Variants in AGR3 observed in about 807,000 individuals in gnomAD.
AGR3 encodes anterior gradient protein 3.
A neutral mutation model predicts 24.5 loss-of-function variants in AGR3; 37 were observed. The observed-to-expected ratio is 1.51, with a 90% confidence interval of 1.16 to 1.99. AGR3 has a LOEUF of 1.99. Among genes scored for constraint, AGR3 ranks in the 30% most tolerant of loss-of-function variants. The pLI is 0.00. For missense variants in AGR3, 228 were observed against 191.1 expected (o/e 1.19, Z -1.14); for synonymous variants, 75 against 61.6 (o/e 1.22, Z -1.02).
At chr7:16,880,136 C>G (rs565020322) in intron 1 of AGR3, among the ~76,000 whole-genome samples, 16 of 137,030 alleles carry the variant, frequency 1.2e-4, no homozygotes, top group African/African-American at 4.4e-4. Context: ...TCCTCTTTCT[C>G]TCTCTCTTTC....
At chr7:16,865,176 A>G in intron 3 of AGR3, 1 of 744,658 alleles carries the variant, frequency 1.3e-6, no homozygotes, top group Non-Finnish European at 2.4e-6. Flanking sequence ...ACTTTCAAAA[A>G]CCCTATCAGT....
chr7:16,860,081 C>T (rs2115401780), intron 7 of AGR3, among the ~76,000 whole-genome samples: 1 of 138,624 alleles, frequency 7.2e-6, no homozygotes, highest in East Asian at 2.1e-4. Context: ...CATACCAAGA[C>T]CCTGTCTCTA....
At chr7:16,855,486 G>A (rs1781544191), downstream of AGR3, among the ~76,000 whole-genome samples, 1 of 152,086 alleles carries the variant, frequency 6.6e-6, no homozygotes, top group Admixed American at 6.5e-5. Flanking sequence ...AGTGTTTAAT[G>A]GCCTCCTATT....
intron 3 of AGR3, among the ~76,000 whole-genome samples, chr7:16,866,975 G>A (rs1488521616): frequency 6.6e-6 from 1 of 151,852 alleles, no homozygotes; most frequent in Non-Finnish European, 1.5e-5. Flanking sequence ...TTCTTTGTTT[G>A]GCTATGCTCA....
At position 16,862,632 on chromosome 7, in the gene AGR3, C is replaced by T; in HGVS notation, c.204G>A (p.Leu68=). The T allele has an allele frequency of 1.3e-6, 2 of 1,540,716 alleles. No homozygotes were observed. Among genetic ancestry groups the T allele is most frequent in the Non-Finnish European group, 1.7e-6 (2 of 1,150,892 alleles). Residue 68 remains leucine (L), a synonymous_variant, in exon 4 of 8, where the codon CTG becomes CTA. Transcript: ENST00000310398. ...TACCTTGAGAGTATTGACAATCCTC[C>T]AGGTGATGAATAACCATTAATGGCT... is the stretch of plus-strand genomic sequence containing the variant. ...SKKPLMVIHH[L]EDCQYSQALK...
In AGR3 at chr7:16,862,659, C is replaced by A; in HGVS notation, c.177G>T (p.Lys59Asn). 2 of 1,546,566 alleles carry A rather than the reference C, an allele frequency of 1.3e-6. No individual in the cohort carries two copies. Among genetic ancestry groups the A allele is most frequent in the Non-Finnish European group, 8.7e-7 (1 of 1,153,706 alleles). The stretch of plus-strand genomic sequence containing the variant: ...GGTGATGAATAACCATTAATGGCTT[C>A]TTACTAAACAAAGAAAGTATGGAAT... Reference protein sequence around the residue: ...EEGLFYAQKSKKPLMVIHHLE... With the variant: ...EEGLFYAQKSNKPLMVIHHLE... The change falls in exon 4 of 8, where the codon AAG (lysine) becomes AAT (asparagine). Residue 59 changes from lysine (K) to asparagine (N), a missense_variant. By Grantham distance (94) the Lys-to-Asn change is moderately conservative (BLOSUM62 0). Transcript: ENST00000310398.
At chr7:16,873,073 A>G (rs1375220122) in intron 3 of AGR3, among the ~76,000 whole-genome samples, 1 of 152,164 alleles carries the variant, frequency 6.6e-6, no homozygotes, top group East Asian at 1.9e-4. Flanking sequence ...TATAACTACC[A>G]TATGATCCAG....
At position 16,878,515 on chromosome 7, in the gene AGR3, G is replaced by A. The variant is rs1291548167; in HGVS notation, c.104C>T (p.Ser35Leu). Reference sequence around the variant, plus strand: ...ATAAAATGAGATTACAGCACCTCTTGAGAGTGTCTGAGGAGGCCTCTTTTC... The same window carrying A: ...ATAAAATGAGATTACAGCACCTCTTAAGAGTGTCTGAGGAGGCCTCTTTTC... ...KKEKRPPQTLSRGWGDDITWV... is the reference protein window; with the variant it reads ...KKEKRPPQTLLRGWGDDITWV... Residue 35 changes from serine (S) to leucine (L), a missense_variant, in exon 2 of 8, where the codon TCA (serine) becomes TTA (leucine). By Grantham distance (145) the Ser-to-Leu change is moderately radical (BLOSUM62 -2). Transcript: ENST00000310398. 1.2e-6 allele frequency: 2 copies of A among 1,612,534 alleles called. No homozygotes were observed. The highest frequency in any genetic ancestry group is 1.7e-5 in the Admixed American group (1 of 60,024).
At chr7:16,878,721 G>A (rs1782044367) in intron 1 of AGR3, 76 bp from the exon 2 acceptor site, 3 of 1,114,108 alleles carry the variant, frequency 2.7e-6, no homozygotes, top group African/African-American at 3.1e-5. Context: ...GCTAAGAGTT[G>A]GACCAATACT....
At chr7:16,864,646 AAAG>A (rs371521780) in intron 3 of AGR3, 31 of 1,579,898 alleles carry the variant, frequency 2.0e-5, no homozygotes, top group African/African-American at 1.2e-4. Flanking sequence ...TTGGAGGCAT[AAAG>A]CTGGTAGGCA....
At chr7:16,864,701 C>T in intron 3 of AGR3, 3 of 1,563,568 alleles carry the variant, frequency 1.9e-6, no homozygotes, top group Non-Finnish European at 2.6e-6. Flanking sequence ...CAATTTTCCC[C>T]ATACTTTTTA....
In AGR3 at chr7:16,864,432, C is replaced by T; in HGVS notation, c.174-1770G>A. 3.9e-6 allele frequency: 5 copies of T among 1,293,028 alleles called. No individual in the cohort carries two copies. The Middle Eastern group carries it at 9.2e-4, about 237-fold the overall frequency. The allele number at this position is 1,293,028 out of a possible 1,614,324, so 80.1% of individuals were successfully genotyped here. ...CCTGTGCGGGTTCACCCAGAGATTCCTCTGCAGAATGTCCTCCGTTAAGCT... is the reference window on the plus strand; with the variant it reads ...CCTGTGCGGGTTCACCCAGAGATTCTTCTGCAGAATGTCCTCCGTTAAGCT... On this transcript the variant is annotated intron_variant, in intron 3 of 7. Transcript: ENST00000310398.
chr7:16,864,971 C>G, intron 3 of AGR3: 1 of 983,364 alleles, frequency 1.0e-6, no homozygotes, highest in Admixed American at 1.7e-5. Flanking sequence ...TTAAATAAGT[C>G]TCCTGGCATG....
chr7:16,862,669 A>G lies in AGR3; in HGVS notation c.174-7T>C. 2 of 1,542,538 alleles carry G rather than the reference A, an allele frequency of 1.3e-6. No individual in the cohort carries two copies. The highest frequency in any genetic ancestry group is 8.7e-7 in the Non-Finnish European group (1 of 1,149,906). ...AACCATTAATGGCTTCTTACTAAAC[A>G]AAGAAAGTATGGAATTAAGTCAAAT... On this transcript the variant is annotated splice_region_variant and splice_polypyrimidine_tract_variant and intron_variant, in intron 3 of 7. Transcript: ENST00000310398.
At chr7:16,873,584 C>T in intron 3 of AGR3, 196 bp downstream of exon 3, 1 of 560,858 alleles carries the variant, frequency 1.8e-6, no homozygotes, top group Non-Finnish European at 3.2e-6. Context: ...ATTTAAAAAG[C>T]TAGTAGAGAG....
intron 3 of AGR3, among the ~76,000 whole-genome samples, chr7:16,868,249 A>G (rs989105703): frequency 2.0e-5 from 3 of 151,732 alleles, no homozygotes; most frequent in African/African-American, 7.3e-5. Flanking sequence ...TCCGCCTCCC[A>G]GGTTCAAGTG....
chr7:16,865,936 CCTTT>C (rs1781750777), intron 3 of AGR3: 2 of 699,988 alleles, frequency 2.9e-6, no homozygotes, highest in African/African-American at 3.6e-5. Flanking sequence ...GTTTTGGTTG[CCTTT>C]CTAAGACTTG....
At chr7:16,855,994 C>G (rs78218445), downstream of AGR3, among the ~76,000 whole-genome samples, 2,884 of 152,154 alleles carry the variant, frequency 0.019, 98 homozygotes, top group African/African-American at 0.066. Flanking sequence ...TGGTAAAATA[C>G]ATTCTCCTTT....
intron 2 of AGR3, among the ~76,000 whole-genome samples, chr7:16,876,285 C>T (rs1338774600): frequency 1.3e-5 from 2 of 152,090 alleles, no homozygotes; most frequent in East Asian, 3.8e-4. Context: ...CTATCTCTGG[C>T]TATATTTTCT....
Sources: gnomAD v4.1 joint callset for allele counts (sites outside exome capture counted in the v4.1 genomes callset) on GRCh38, gnomAD v4.1.1 for gene constraint, MANE v1.5 for transcripts, NCBI Gene and HGNC (gene_info 2026-07-23, HGNC 2026-07-21) for gene names.